TNFRSF10B: variants seen among roughly 807,000 people sequenced by gnomAD.
The protein encoded by TNFRSF10B is TNF receptor superfamily member 10b, also known as tumor necrosis factor receptor superfamily member 10B.
TNFRSF10B carries 35 observed loss-of-function variants against 41.4 expected under a neutral mutation model. That is an observed-to-expected ratio of 0.85 (90% CI 0.65 to 1.12). The LOEUF (loss-of-function observed/expected upper bound fraction) is 1.12. Ranked by LOEUF, TNFRSF10B falls within the 50% of genes most tolerant of loss-of-function variation. The probability of loss-of-function intolerance (pLI) is 0.00; values close to 1 mark genes in which losing one functional copy is unlikely to be tolerated. For missense variants in TNFRSF10B, 584 were observed against 552.7 expected, an observed-to-expected ratio of 1.06 and a Z score of -0.57; for synonymous variants, 230 against 215.5, an observed-to-expected ratio of 1.07 and a Z score of -0.59.
intron 1 of TNFRSF10B, among the ~76,000 whole-genome samples, chr8:23,054,496 A>G (rs758661037): frequency 6.6e-6 from 1 of 152,250 alleles, no homozygotes; most frequent in Non-Finnish European, 1.5e-5. Context: ...AGTTATTTGC[A>G]TAAGTGCAGT....
intron 1 of TNFRSF10B, among the ~76,000 whole-genome samples, chr8:23,057,286 C>A (rs2128819858): frequency 6.6e-6 from 1 of 151,728 alleles, no homozygotes; most frequent in East Asian, 1.9e-4. Flanking sequence ...ACCTTGTGAT[C>A]CACCTGCCTC....
rs1330959051 is a variant in TNFRSF10B at position 23,043,120 on chromosome 8, G to T, written c.250+18C>A. ...AAGGGGAGGAGGGGCAAGGATTAGAGACCCATCTTGAACATACCAGGTGGA... is the reference window on the plus strand; with the variant it reads ...AAGGGGAGGAGGGGCAAGGATTAGATACCCATCTTGAACATACCAGGTGGA... On this transcript the variant is annotated intron_variant, in intron 2 of 8. Coordinates refer to ENST00000276431, the MANE Select transcript of TNFRSF10B (RefSeq NM_003842.5). The T allele has an allele frequency of 6.2e-7, 1 of 1,608,032 alleles. No homozygotes were observed. Among genetic ancestry groups the T allele is most frequent in the Non-Finnish European group, 8.5e-7 (1 of 1,174,694 alleles).
intron 1 of TNFRSF10B, among the ~76,000 whole-genome samples, chr8:23,054,587 A>C (rs747148102): frequency 6.6e-6 from 1 of 152,212 alleles, no homozygotes; most frequent in Admixed American, 6.5e-5. Flanking sequence ...CTCTCCTTTA[A>C]GGAATCAAAC....
rs1040434105 is a variant in TNFRSF10B, at chr8:23,020,969, C to T, written c.*1702G>A. ...TGCAAAGACCAGAAAGGTCACCCCC[C>T]ACTCCTAAAACTCCACAGACACAAC... On this transcript the variant is annotated 3_prime_UTR_variant, in exon 9 of 9. Transcript: ENST00000276431. 41 of 454,136 alleles carry T rather than the reference C, an allele frequency of 9.0e-5. No homozygotes were observed. Among genetic ancestry groups the T allele is most frequent in the African/African-American group, 6.6e-4 (33 of 50,122 alleles). 28.1% of individuals were successfully genotyped at this position (454,136 alleles called of 1,614,324 possible). A position where few individuals can be genotyped will look rare whatever the true frequency, so the allele number is the denominator to read the frequency against.
chr8:23,024,300 A>G, intron 7 of TNFRSF10B, 40 bp from the exon 8 acceptor site: 2 of 1,612,290 alleles, frequency 1.2e-6, no homozygotes, highest in Non-Finnish European at 1.7e-6. Context: ...CAGAGCCAGG[A>G]GTCCTACAGT....
rs1470122355 is a variant in TNFRSF10B, at chr8:23,021,729, G to A, written c.*942C>T. Reference sequence around the variant, plus strand: ...ATAAATAATACTCATATACTTGTAAGGTTGTCCAGTTCAAAAGACTGGCCC... The same window carrying A: ...ATAAATAATACTCATATACTTGTAAAGTTGTCCAGTTCAAAAGACTGGCCC... On this transcript the variant is annotated 3_prime_UTR_variant, in exon 9 of 9. Transcript: ENST00000276431. The A allele has an allele frequency of 3.3e-5, 15 of 453,954 alleles. No homozygotes were observed. The highest frequency in any genetic ancestry group is 6.2e-5 in the Non-Finnish European group (14 of 226,794). 28.1% of individuals were successfully genotyped at this position (453,954 alleles called of 1,614,324 possible).
chr8:23,028,540 T>C lies in TNFRSF10B; in HGVS notation c.539A>G (p.His180Arg). The C allele has an allele frequency of 1.2e-6, 2 of 1,614,086 alleles. No individual in the cohort carries two copies. The highest frequency in any genetic ancestry group is 1.7e-6 in the Non-Finnish European group (2 of 1,179,980). Residue 180 changes from histidine to arginine, a missense_variant, in exon 5 of 9, where the codon CAC becomes CGC. By Grantham distance (29) the His-to-Arg change is conservative (BLOSUM62 0). Transcript: ENST00000276431. ...CTPWSDIECV[H>R]KESGTKHSGE... is the part of the protein sequence containing the mutation. ...ACTGTGCTTTGTACCTGATTCTTTG[T>C]GGACACATTCGATGTCACTCCAGGG...
At chr8:23,059,866 G>A (rs1198210446) in intron 1 of TNFRSF10B, among the ~76,000 whole-genome samples, 9 of 152,252 alleles carry the variant, frequency 5.9e-5, no homozygotes, top group Admixed American at 2.0e-4. Flanking sequence ...TATCTCTGTC[G>A]TTTTGACCAG....
At chr8:23,038,731 T>G (rs1812092207) in intron 2 of TNFRSF10B, among the ~76,000 whole-genome samples, 2 of 152,176 alleles carry the variant, frequency 1.3e-5, no homozygotes, top group African/African-American at 4.8e-5. Context: ...AAATATAATC[T>G]TATTATTTCC....
intron 1 of TNFRSF10B, among the ~76,000 whole-genome samples, chr8:23,044,950 T>A (rs77490948): frequency 0.014 from 2,111 of 151,188 alleles, 47 homozygotes; most frequent in African/African-American, 0.048. Context: ...GTGCAGTGGC[T>A]CATGCCTATA....
intron 1 of TNFRSF10B, among the ~76,000 whole-genome samples, chr8:23,044,113 T>C (rs751203112): frequency 6.6e-6 from 1 of 152,198 alleles, no homozygotes; most frequent in Non-Finnish European, 1.5e-5. Context: ...AATCTAGACA[T>C]TGACTCATCA....
At chr8:23,038,734 T>C (rs1371423904) in intron 2 of TNFRSF10B, among the ~76,000 whole-genome samples, 1 of 152,136 alleles carries the variant, frequency 6.6e-6, no homozygotes, top group African/African-American at 2.4e-5. Flanking sequence ...TATAATCTTA[T>C]TATTTCCATT....
chr8:23,025,854 T>C (rs1811688052), intron 7 of TNFRSF10B, among the ~76,000 whole-genome samples: 1 of 152,124 alleles, frequency 6.6e-6, no homozygotes, highest in African/African-American at 2.4e-5. Context: ...GGAGGGTGGA[T>C]TGCCTGAGTT....
Position 23,021,640 on chromosome 8 carries a change from C to A in TNFRSF10B, c.*1031G>T, listed in dbSNP as rs1323774585. On this transcript the variant is annotated 3_prime_UTR_variant, in exon 9 of 9. Coordinates refer to ENST00000276431, the MANE Select transcript of TNFRSF10B (RefSeq NM_003842.5). Reference sequence around the variant, plus strand: ...TGAGACTGCCCAGGTAGGGACCAGCCACACACAGGACTTCACGTGGATCCA... The same window carrying A: ...TGAGACTGCCCAGGTAGGGACCAGCAACACACAGGACTTCACGTGGATCCA... The A allele has an allele frequency of 2.2e-6, 1 of 454,008 alleles. No individual in the cohort carries two copies. Among genetic ancestry groups the A allele is most frequent in the Non-Finnish European group, 4.4e-6 (1 of 226,796 alleles). 28.1% of individuals were successfully genotyped at this position (454,008 alleles called of 1,614,324 possible). A position where few individuals can be genotyped will look rare whatever the true frequency, so the allele number is the denominator to read the frequency against.
intron 1 of TNFRSF10B, among the ~76,000 whole-genome samples, chr8:23,059,585 C>A (rs1812765689): frequency 6.6e-6 from 1 of 152,234 alleles, no homozygotes; most frequent in African/African-American, 2.4e-5. Context: ...CAGCTCACTG[C>A]AAGCTCCGCC....
At chr8:23,049,728 T>G (rs4562322) in intron 1 of TNFRSF10B, 33,499 of 152,156 alleles carry the variant, frequency 0.22, 3,984 homozygotes, top group Non-Finnish European at 0.25. Flanking sequence ...ATAAAAACTC[T>G]CTTCCTCCCC....
chr8:23,061,049 G>A (rs900854850), intron 1 of TNFRSF10B, among the ~76,000 whole-genome samples: 4 of 151,990 alleles, frequency 2.6e-5, no homozygotes, highest in South Asian at 2.1e-4. Flanking sequence ...TATACCCCAC[G>A]GCAATTACCC....
At chr8:23,058,953 ATGT>A (rs1812748193) in intron 1 of TNFRSF10B, among the ~76,000 whole-genome samples, 1 of 152,210 alleles carries the variant, frequency 6.6e-6, no homozygotes, top group Admixed American at 6.5e-5. Flanking sequence ...ACATTTATTA[ATGT>A]TGTTGTGCAA....
At chr8:23,041,286 G>C (rs1812193987) in intron 2 of TNFRSF10B, among the ~76,000 whole-genome samples, 1 of 152,008 alleles carries the variant, frequency 6.6e-6, no homozygotes, top group Non-Finnish European at 1.5e-5. Flanking sequence ...CAAACTCCTG[G>C]CCTCAAGTGA....
Sources: allele counts gnomAD v4.1 joint callset (sites outside exome capture counted in the v4.1 genomes callset), GRCh38; gene constraint gnomAD v4.1.1; transcripts MANE v1.5; gene names NCBI Gene and HGNC (gene_info 2026-07-23, HGNC 2026-07-21).